Variants in EFCAB14 observed in about 807,000 individuals in gnomAD.
EFCAB14 encodes the protein EF-hand calcium binding domain 14.
In EFCAB14, 43 loss-of-function variants were observed where a neutral mutation model predicts 56.5. The observed-to-expected ratio is 0.76, with a 90% CI of 0.60 to 0.98. The LOEUF (loss-of-function observed/expected upper bound fraction) is 0.98. EFCAB14 is among the 50% of genes least tolerant of loss of function. The pLI, the probability that EFCAB14 is intolerant of heterozygous loss-of-function variation, is 0.00. For synonymous variants in EFCAB14, 235 were observed against 212.9 expected, an observed-to-expected ratio of 1.10 and a Z score of -0.90; for missense variants, 538 against 580.3, an observed-to-expected ratio of 0.93 and a Z score of 0.75.
chr1:46,716,828 TACTC>T (rs1421463201), intron 1 of EFCAB14, among the ~76,000 whole-genome samples: 1 of 152,256 alleles, frequency 6.6e-6, no homozygotes, highest in Non-Finnish European at 1.5e-5. Context: ...CTGAAATACA[TACTC>T]ACTCCGGGGA....
chr1:46,685,213 A>G (rs1257221955), intron 8 of EFCAB14: 1 of 152,276 alleles, frequency 6.6e-6, no homozygotes, highest in East Asian at 1.9e-4. Flanking sequence ...TATCTTTTAA[A>G]AAAGTTTTTT....
Position 46,707,992 on chromosome 1 carries a change from TGA to T in EFCAB14, c.392_393del (p.Leu131GlnfsTer7). 6.2e-7 allele frequency: 1 copy of T among 1,613,030 alleles called. No homozygotes were observed. Among genetic ancestry groups the T allele is most frequent in the East Asian group, 2.2e-5 (1 of 44,764 alleles). On this transcript the variant is annotated frameshift_variant, in exon 3 of 11. Transcript: ENST00000371933. LOFTEE classifies it high-confidence loss of function. ...QEIPKLNEEL[L>X]SKQKQLEKIE... ...ATCTTCTCAAGTTGTTTTTGCTTGCTGAGTAGTTCTTCATTAAGTTTGGGGAT... is the reference window on the plus strand; with the variant it reads ...ATCTTCTCAAGTTGTTTTTGCTTGCTGTAGTTCTTCATTAAGTTTGGGGAT...
intron 2 of EFCAB14, among the ~76,000 whole-genome samples, chr1:46,712,734 G>A (rs1024115278): frequency 2.0e-5 from 3 of 152,084 alleles, no homozygotes; most frequent in South Asian, 2.1e-4. Flanking sequence ...TAGGCAGGGC[G>A]TGGTGGCTCA....
chr1:46,688,209 G>A, intron 7 of EFCAB14, 144 bp downstream of exon 7: 1 of 771,990 alleles, frequency 1.3e-6, no homozygotes, highest in Non-Finnish European at 2.1e-6. Context: ...AGGATTAAAT[G>A]AGACAACACA....
Position 46,696,613 on chromosome 1 carries a change from C to T in EFCAB14, c.517G>A (p.Ala173Thr). The T allele has an allele frequency of 6.2e-7, 1 of 1,613,622 alleles. No homozygotes were observed. The highest frequency in any genetic ancestry group is 8.5e-7 in the Non-Finnish European group (1 of 1,179,682). ...AAGTCTGCAGCTGACTTAACATTGG[C>T]TTTGAGGTGGTTCACTGCAGAAGTC... ...LLTSAVNHLK[A>T]NVKSAADLIS... is the part of the protein sequence containing the mutation. Residue 173 changes from alanine to threonine, a missense_variant, in exon 4 of 11, where the codon GCC (alanine) becomes ACC (threonine). Coordinates refer to ENST00000371933, the MANE Select transcript of EFCAB14 (RefSeq NM_014774.3).
chr1:46,684,635 G>A lies in EFCAB14; in HGVS notation c.1075-33C>T, dbSNP rs776795868. ...AAACAAAGATTATAGAAGGTTTAAG[G>A]TGGTAGTAAGACTTCATCTAAGTGT... is the stretch of plus-strand genomic sequence containing the variant. On this transcript the variant is annotated intron_variant, in intron 8 of 10. Transcript: ENST00000371933. 3.0e-5 allele frequency: 47 copies of A among 1,563,392 alleles called. No individual in the cohort carries two copies. In the South Asian group the frequency reaches 4.2e-4, roughly 14 times the overall value.
At chr1:46,697,685 T>C (rs1677095775) in intron 3 of EFCAB14, among the ~76,000 whole-genome samples, 1 of 152,176 alleles carries the variant, frequency 6.6e-6, no homozygotes, top group Non-Finnish European at 1.5e-5. Context: ...TTGGCATCTC[T>C]GTGCCAGACA....
intron 5 of EFCAB14, 128 bp downstream of exon 5, chr1:46,691,699 T>C (rs141530525): frequency 1.0e-5 from 6 of 597,886 alleles, no homozygotes; most frequent in Non-Finnish European, 1.5e-5. Flanking sequence ...ACAATCAATG[T>C]ATACTGCTTA....
chr1:46,675,521 C>T lies in EFCAB14; in HGVS notation c.*2940G>A, dbSNP rs933597007. On this transcript the variant is annotated 3_prime_UTR_variant, in exon 11 of 11. Coordinates refer to ENST00000371933, the MANE Select transcript of EFCAB14 (RefSeq NM_014774.3). ...CTGTCACTAAAAACAACTCAACAGG[C>T]CATTATGAGTATGAGCCCATCACAG... 3.9e-5 allele frequency: 6 copies of T among 152,554 alleles called. No homozygotes were observed. The highest frequency in any genetic ancestry group is 1.4e-4 in the African/African-American group (6 of 41,402). The allele number at this position is 152,554 out of a possible 1,614,324, so 9.5% of individuals were successfully genotyped here.
intron 2 of EFCAB14, among the ~76,000 whole-genome samples, chr1:46,710,751 A>G (rs959155370): frequency 6.6e-6 from 1 of 151,962 alleles, no homozygotes; most frequent in African/African-American, 2.4e-5. Context: ...GTGTCTTGCT[A>G]TGCTTCCCTG....
chr1:46,689,683 G>A lies in EFCAB14; in HGVS notation c.699C>T (p.His233=), dbSNP rs373335812. The A allele has an allele frequency of 9.3e-6, 15 of 1,613,656 alleles. No homozygotes were observed. The South Asian group carries it at 1.3e-4, about 14-fold the overall frequency. ...MELLQSDMNQ[H]FLKETPGSNQ... is the part of the protein sequence containing the mutation. The stretch of plus-strand genomic sequence containing the variant: ...TGCTTCCAGGAGTCTCCTTCAAGAA[G>A]TGCTGATTCTGTTAAGAGGAAAGAA... The change falls in exon 6 of 11, where the codon CAC becomes CAT. Residue 233 remains histidine (H), a synonymous_variant. Transcript: ENST00000371933.
intron 10 of EFCAB14, among the ~76,000 whole-genome samples, chr1:46,679,310 C>CT (rs964629978): frequency 2.6e-5 from 4 of 151,996 alleles, no homozygotes; most frequent in Admixed American, 6.6e-5. Context: ...AATTTCTTTT[C>CT]TTTTTTTTGA....
chr1:46,704,561 G>A (rs553390184), intron 3 of EFCAB14, among the ~76,000 whole-genome samples: 6 of 151,114 alleles, frequency 4.0e-5, no homozygotes, highest in Non-Finnish European at 8.8e-5. Flanking sequence ...AAAGTGCCAT[G>A]TATGAAATAA....
rs955942967 is a variant in EFCAB14 at position 46,676,390 on chromosome 1, C to T, written c.*2071G>A. On this transcript the variant is annotated 3_prime_UTR_variant, in exon 11 of 11. Coordinates refer to ENST00000371933, the MANE Select transcript of EFCAB14 (RefSeq NM_014774.3). ...TAGTTATCTGATGCAAGGGAAAATA[C>T]ACACAACAAAGAGTTAAGGTGTCTT... is the stretch of plus-strand genomic sequence containing the variant. 4.6e-5 allele frequency: 7 copies of T among 152,432 alleles called. No homozygotes were observed. Among genetic ancestry groups the T allele is most frequent in the African/African-American group, 1.4e-4 (6 of 41,444 alleles). The allele number at this position is 152,432 out of a possible 1,614,324, so 9.4% of individuals were successfully genotyped here. A position where few individuals can be genotyped will look rare whatever the true frequency, so the allele number is the denominator to read the frequency against.
rs1006678521 is a variant in EFCAB14 at position 46,675,215 on chromosome 1, T to C, written c.*3246A>G. 9.8e-5 allele frequency: 15 copies of C among 152,616 alleles called. No individual in the cohort carries two copies. Among genetic ancestry groups the C allele is most frequent in the African/African-American group, 3.6e-4 (15 of 41,442 alleles). 9.5% of individuals were successfully genotyped at this position (152,616 alleles called of 1,614,324 possible). A position where few individuals can be genotyped will look rare whatever the true frequency, so the allele number is the denominator to read the frequency against. ...TAAATTAAAATGGCTGTGTTACTTATTTGAAATATGCAAAGCTCAAATCAA... is the reference window on the plus strand; with the variant it reads ...TAAATTAAAATGGCTGTGTTACTTACTTGAAATATGCAAAGCTCAAATCAA... On this transcript the variant is annotated 3_prime_UTR_variant, in exon 11 of 11. Transcript: ENST00000371933.
intron 2 of EFCAB14, among the ~76,000 whole-genome samples, chr1:46,715,836 G>C (rs1677379193): frequency 6.6e-6 from 1 of 152,048 alleles, no homozygotes. Flanking sequence ...AGCTCAAAAA[G>C]AGTATAAAAA....
chr1:46,717,937 A>T lies in EFCAB14; in HGVS notation c.151T>A (p.Phe51Ile). 6.2e-7 allele frequency: 1 copy of T among 1,613,978 alleles called. No homozygotes were observed. The highest frequency in any genetic ancestry group is 1.1e-5 in the South Asian group (1 of 91,074). ...SESSSEEEEE[F>I]GVVGNRSRFA... ...CGAGAGCGATTTCCAACCACACCGA[A>T]TTCCTCTTCCTCTTCGGAGCTGGAC... Residue 51 changes from phenylalanine to isoleucine, a missense_variant, in exon 1 of 11, where the codon TTC (phenylalanine) becomes ATC (isoleucine). Physicochemically the swap from Phe to Ile is conservative, Grantham distance 21 (BLOSUM62 0). Coordinates refer to ENST00000371933, the MANE Select transcript of EFCAB14 (RefSeq NM_014774.3).
chr1:46,712,000 A>G (rs1247160856), intron 2 of EFCAB14, among the ~76,000 whole-genome samples: 1 of 152,220 alleles, frequency 6.6e-6, no homozygotes, highest in Non-Finnish European at 1.5e-5. Context: ...GAATGCCCAA[A>G]GTGCTTTGGT....
At chr1:46,683,232 T>C in intron 10 of EFCAB14, 68 bp downstream of exon 10, 1 of 1,538,752 alleles carries the variant, frequency 6.5e-7, no homozygotes, top group African/African-American at 1.4e-5. Context: ...TTTTGACAAG[T>C]GAAAATAAAC....
Sources: gnomAD v4.1 joint callset for allele counts (sites outside exome capture counted in the v4.1 genomes callset) on GRCh38, gnomAD v4.1.1 for gene constraint, MANE v1.5 for transcripts, NCBI Gene and HGNC (gene_info 2026-07-23, HGNC 2026-07-21) for gene names.